Variants in COL8A1 observed in about 807,000 individuals in gnomAD.
The protein encoded by COL8A1 is collagen type VIII alpha 1 chain.
Under a neutral mutation model 42.7 loss-of-function variants are expected in COL8A1, and 21 were observed. That is an observed-to-expected ratio of 0.49 (90% CI 0.35 to 0.71). The LOEUF is 0.71. Ranked by LOEUF, COL8A1 falls within the 30% of genes least tolerant of loss-of-function variation. COL8A1 has a pLI of 0.01. For missense variants in COL8A1, 788 were observed against 962.4 expected (o/e 0.82, Z 2.40); for synonymous variants, 367 against 369.1 (o/e 0.99, Z 0.06).
At position 99,733,611 on chromosome 3, in the gene COL8A1, G is replaced by A. The variant is rs9872388; in HGVS notation, c.-128-11286G>A. Reference sequence around the variant, plus strand: ...GTGAATAATGCCGCAATAAACATACGTGTGTATGTGTCTTTATAGCAGCAT... The same window carrying A: ...GTGAATAATGCCGCAATAAACATACATGTGTATGTGTCTTTATAGCAGCAT... On this transcript the variant is annotated intron_variant, in intron 1 of 3. Coordinates refer to ENST00000652472, the MANE Select transcript of COL8A1 (RefSeq NM_020351.4). 4.7e-3 allele frequency among the ~76,000 whole-genome samples: 720 copies of A among 152,120 alleles called. 7 individuals carry two copies. Among genetic ancestry groups the A allele is most frequent in the African/African-American group, 0.016 (674 of 41,420 alleles).
At chr3:99,769,164 A>G (rs1449380532) in intron 2 of COL8A1, among the ~76,000 whole-genome samples, 1 of 152,230 alleles carries the variant, frequency 6.6e-6, no homozygotes, top group Non-Finnish European at 1.5e-5. Flanking sequence ...CTTATTTTTA[A>G]GTTGACAACT....
chr3:99,691,104 G>A (rs1306392177), intron 1 of COL8A1, among the ~76,000 whole-genome samples: 1 of 152,084 alleles, frequency 6.6e-6, no homozygotes, highest in African/African-American at 2.4e-5. Flanking sequence ...GAGCATGCAC[G>A]AATTTCTAGA....
intron 1 of COL8A1, among the ~76,000 whole-genome samples, chr3:99,728,449 A>G (rs958493957): frequency 2.0e-5 from 3 of 152,036 alleles, no homozygotes; most frequent in African/African-American, 7.2e-5. Flanking sequence ...CTACCAAAAT[A>G]CACTTGAAAT....
intron 1 of COL8A1, among the ~76,000 whole-genome samples, chr3:99,708,730 T>G (rs1939751703): frequency 6.6e-6 from 1 of 152,172 alleles, no homozygotes; most frequent in African/African-American, 2.4e-5. Flanking sequence ...CAAAATGTTC[T>G]AGGGAGAGAT....
chr3:99,731,549 T>C (rs530614064), intron 1 of COL8A1, among the ~76,000 whole-genome samples: 1 of 152,070 alleles, frequency 6.6e-6, no homozygotes, highest in Non-Finnish European at 1.5e-5. Flanking sequence ...CTATTGGGTA[T>C]GGGGACTGGG....
intron 1 of COL8A1, among the ~76,000 whole-genome samples, chr3:99,647,200 T>C (rs1249058358): frequency 6.6e-6 from 1 of 152,232 alleles, no homozygotes; most frequent in Non-Finnish European, 1.5e-5. Flanking sequence ...ATATCTACCC[T>C]GCCTGAGCGC....
chr3:99,655,218 G>A (rs1024154520), intron 1 of COL8A1, among the ~76,000 whole-genome samples: 7 of 152,124 alleles, frequency 4.6e-5, no homozygotes, highest in African/African-American at 1.4e-4. Context: ...TCTCTACCCA[G>A]CAGAAGGCTC....
chr3:99,688,035 T>C (rs1468052176), intron 1 of COL8A1, among the ~76,000 whole-genome samples: 1 of 152,218 alleles, frequency 6.6e-6, no homozygotes, highest in Non-Finnish European at 1.5e-5. Context: ...AATCCCAAAA[T>C]GCCTCCCAAA....
intron 2 of COL8A1, among the ~76,000 whole-genome samples, chr3:99,756,655 T>G (rs113129272): frequency 0.014 from 2,199 of 152,330 alleles, 46 homozygotes; most frequent in African/African-American, 0.05. Context: ...GTGCTTGGTC[T>G]CTGAGCCAGT....
intron 1 of COL8A1, among the ~76,000 whole-genome samples, chr3:99,666,473 C>T (rs1938371837): frequency 1.3e-5 from 2 of 152,198 alleles, no homozygotes; most frequent in African/African-American, 2.4e-5. Context: ...CTTTCTTCCA[C>T]ACTCAGATAA....
At chr3:99,741,670 A>T (rs1012413372) in intron 1 of COL8A1, among the ~76,000 whole-genome samples, 3 of 152,198 alleles carry the variant, frequency 2.0e-5, no homozygotes, top group African/African-American at 7.2e-5. Context: ...AGGAGTGCCT[A>T]CAAATGGCTT....
chr3:99,794,483 A>C lies in COL8A1; in HGVS notation c.582A>C (p.Gly194=). 6.2e-7 allele frequency: 1 copy of C among 1,614,008 alleles called. No homozygotes were observed. Among genetic ancestry groups the C allele is most frequent in the East Asian group, 2.2e-5 (1 of 44,860 alleles). ...AAATTGGGCCTATGGGGATCCCAGGACCACAAGGACCTCCAGGGCCTCATG... is the reference window on the plus strand; with the variant it reads ...AAATTGGGCCTATGGGGATCCCAGGCCCACAAGGACCTCCAGGGCCTCATG... ...KGEIGPMGIP[G]PQGPPGPHGL... is the part of the protein sequence containing the mutation. Residue 194 remains glycine (G), a synonymous_variant, in exon 4 of 4, where the codon GGA becomes GGC. Coordinates refer to ENST00000652472, the MANE Select transcript of COL8A1 (RefSeq NM_020351.4). This position sits in a 1 kb window ranked among gnomAD's most constrained non-coding sequence, Gnocchi z 4.3.
At chr3:99,693,301 T>C (rs938817513) in intron 1 of COL8A1, among the ~76,000 whole-genome samples, 2 of 152,274 alleles carry the variant, frequency 1.3e-5, no homozygotes, top group African/African-American at 4.8e-5. Context: ...ACCATATTTT[T>C]ATCATTATTT....
At chr3:99,788,174 T>C (rs1404655303) in intron 2 of COL8A1, among the ~76,000 whole-genome samples, 1 of 152,170 alleles carries the variant, frequency 6.6e-6, no homozygotes, top group Non-Finnish European at 1.5e-5. Flanking sequence ...AAGCAGTAAA[T>C]TCTAACCAGG....
intron 2 of COL8A1, among the ~76,000 whole-genome samples, chr3:99,778,708 A>T (rs1008520734): frequency 1.3e-5 from 2 of 152,202 alleles, no homozygotes; most frequent in Admixed American, 6.5e-5. Context: ...AGACCTCAGC[A>T]CACAAAATCA....
At chr3:99,742,042 G>A (rs1001537536) in intron 1 of COL8A1, among the ~76,000 whole-genome samples, 1 of 152,002 alleles carries the variant, frequency 6.6e-6, no homozygotes, top group Non-Finnish European at 1.5e-5. Flanking sequence ...TTCTTTCATT[G>A]CTTCATAATT....
At chr3:99,782,130 GA>G (rs199931454) in intron 2 of COL8A1, among the ~76,000 whole-genome samples, 3 of 150,506 alleles carry the variant, frequency 2.0e-5, no homozygotes, top group Admixed American at 6.6e-5. Flanking sequence ...AATGTGGTAA[GA>G]AAAAAAAACC....
At chr3:99,668,798 T>C (rs1326330107) in intron 1 of COL8A1, among the ~76,000 whole-genome samples, 1 of 152,094 alleles carries the variant, frequency 6.6e-6, no homozygotes, top group African/African-American at 2.4e-5. Flanking sequence ...AGTATCAGCT[T>C]CTGTTGATAC....
chr3:99,796,149 A>C lies in COL8A1; in HGVS notation c.*13A>C. 4.1e-6 allele frequency: 6 copies of C among 1,460,898 alleles called. 2 individuals are homozygous for C. The South Asian group carries it at 9.7e-5, about 24-fold the overall frequency. 90.5% of individuals were successfully genotyped at this position (1,460,898 alleles called of 1,614,324 possible). ...GTATCCCATGTAAAAACAAAAAAAC[A>C]AAAAACAAAGAAAAGAAAGAGATTT... On this transcript the variant is annotated 3_prime_UTR_variant, in exon 4 of 4. Transcript: ENST00000652472.
Sources: allele counts gnomAD v4.1 joint callset (sites outside exome capture counted in the v4.1 genomes callset), GRCh38; gene constraint gnomAD v4.1.1; non-coding constraint Gnocchi (gnomAD v3.1); transcripts MANE v1.5; gene names NCBI Gene and HGNC (gene_info 2026-07-23, HGNC 2026-07-21).